ABCC11: variants seen among roughly 807,000 people sequenced by gnomAD.
ABCC11 encodes the protein ATP-binding cassette sub-family C member 11.
A neutral mutation model predicts 149.3 loss-of-function variants in ABCC11; 135 were observed. The ratio of observed to expected loss-of-function variants is 0.90; its 90% confidence interval spans 0.79 to 1.04. ABCC11 has a LOEUF of 1.04. Among genes scored for constraint, ABCC11 ranks in the 50% least tolerant of loss-of-function variants. The probability of loss-of-function intolerance (pLI) is 0.00; values close to 1 mark genes in which losing one functional copy is unlikely to be tolerated. For missense variants in ABCC11, 1,680 were observed against 1,722.1 expected (o/e 0.98, Z 0.43); for synonymous variants, 665 against 671.4 (o/e 0.99, Z 0.15).
At chr16:48,190,167 T>G (rs1300551659) in intron 20 of ABCC11, among the ~76,000 whole-genome samples, 1 of 152,088 alleles carries the variant, frequency 6.6e-6, no homozygotes, top group African/African-American at 2.4e-5. Context: ...ACTTTACATA[T>G]CTACGACAAT....
At position 48,238,765 on chromosome 16, in the gene ABCC11, G is replaced by A. The variant is rs193102165; in HGVS notation, c.-18-6826C>T. ...ATCCTGGCTAACACGGTGAAACCCC[G>A]TCTCTACTAAAAATACAAAAAATTA... On this transcript the variant is annotated intron_variant, in intron 1 of 29. Coordinates refer to ENST00000356608, the MANE Select transcript of ABCC11 (RefSeq NM_001370497.1). Among the ~76,000 whole-genome samples the A allele has an allele frequency of 1.2e-3, 176 of 151,546 alleles. 1 individual carries two copies. The highest frequency in any genetic ancestry group is 4.2e-3 in the African/African-American group (172 of 41,354).
intron 20 of ABCC11, among the ~76,000 whole-genome samples, chr16:48,190,202 C>G (rs1157245136): frequency 1.3e-5 from 2 of 152,150 alleles, no homozygotes; most frequent in Non-Finnish European, 2.9e-5. Flanking sequence ...TCCATCTCCC[C>G]CATTAGACTA....
In ABCC11 at chr16:48,200,421, C is replaced by G. The variant is rs774404726; in HGVS notation, c.1937G>C (p.Arg646Pro). The change falls in exon 15 of 30, where the codon CGC becomes CCC. Residue 646 changes from arginine to proline, a missense_variant. By Grantham distance (103) the Arg-to-Pro change is moderately radical (BLOSUM62 -2). Transcript: ENST00000356608. ...GGQKQRISLA[R>P]AVYSDRQIYL... ...GATCTGACGGTCGGAATAGACGGCG[C>G]GGGCCAGGCTGATCCTCTGTTTCTG... 1 of 1,614,210 alleles carries G rather than the reference C, an allele frequency of 6.2e-7. No homozygotes were observed. The highest frequency in any genetic ancestry group is 1.7e-5 in the Admixed American group (1 of 60,024).
At chr16:48,176,162 A>G (rs1248701465) in intron 25 of ABCC11, 2 of 152,228 alleles carry the variant, frequency 1.3e-5, no homozygotes, top group Admixed American at 1.3e-4. Context: ...GAACACCCAA[A>G]AGAACATATG....
chr16:48,241,518 T>A (rs919889737), intron 1 of ABCC11, among the ~76,000 whole-genome samples: 3 of 152,186 alleles, frequency 2.0e-5, no homozygotes, highest in Non-Finnish European at 4.4e-5. Context: ...TACCAATGAC[T>A]TTCTTCACAG....
intron 2 of ABCC11, 46 bp downstream of exon 2, chr16:48,231,777 T>C: frequency 6.3e-7 from 1 of 1,599,346 alleles, no homozygotes; most frequent in African/African-American, 1.3e-5. Context: ...GAGAATATTC[T>C]GCCAACTCAG....
At chr16:48,227,024 G>A (rs934248641) in intron 4 of ABCC11, among the ~76,000 whole-genome samples, 3 of 152,140 alleles carry the variant, frequency 2.0e-5, no homozygotes, top group Admixed American at 6.5e-5. Flanking sequence ...TCATATTACC[G>A]TGTGTGGTGG....
Position 48,187,226 on chromosome 16 carries a change from T to A in ABCC11, c.2908A>T (p.Met970Leu). 1 of 1,614,048 alleles carries A rather than the reference T, an allele frequency of 6.2e-7. No homozygotes were observed. The highest frequency in any genetic ancestry group is 8.5e-7 in the Non-Finnish European group (1 of 1,180,026). ...ATATAATAAATGAAGCAAATAACCA[T>A]GATTATGGCTCCCATTAACAGGATA... ...PYILLMGAIIMVICFIYYMMF... is the reference protein window; with the variant it reads ...PYILLMGAIILVICFIYYMMF... The change falls in exon 21 of 30, where the codon ATG (methionine) becomes TTG (leucine). Residue 970 changes from methionine to leucine, a missense_variant. Physicochemically the swap from Met to Leu is conservative, Grantham distance 15. Transcript: ENST00000356608.
chr16:48,210,574 G>C (rs8051205), intron 11 of ABCC11: 31,897 of 195,082 alleles, frequency 0.16, 2,958 homozygotes, highest in Middle Eastern at 0.24. Context: ...ACCAGATAAG[G>C]TGAGTTCACA....
At chr16:48,172,427 CTTT>C (rs566472502) in intron 26 of ABCC11, among the ~76,000 whole-genome samples, 11 of 137,398 alleles carry the variant, frequency 8.0e-5, no homozygotes, top group Admixed American at 7.4e-5. Context: ...CTATGTTTAA[CTTT>C]TTTTTTTTTT....
chr16:48,216,823 G>A lies in ABCC11; in HGVS notation c.778-536C>T, dbSNP rs776485792. Among the ~76,000 whole-genome samples, 9 of 152,154 alleles carry A rather than the reference G, an allele frequency of 5.9e-5. No homozygotes were observed. In the South Asian group the frequency reaches 6.2e-4, roughly 11 times the overall value. ...GTCTGTACAGAACCAGCTTGCTAAC[G>A]TCACAGCCTAAATTTTCACCACATA... On this transcript the variant is annotated intron_variant, in intron 6 of 29. Transcript: ENST00000356608.
intron 9 of ABCC11, among the ~76,000 whole-genome samples, chr16:48,214,331 C>T (rs942555175): frequency 1.3e-5 from 2 of 152,108 alleles, no homozygotes; most frequent in African/African-American, 4.8e-5. Context: ...ATCTGGGGCA[C>T]ACACAACCCC....
At chr16:48,224,886 G>A (rs1320949759) in intron 4 of ABCC11, among the ~76,000 whole-genome samples, 7 of 152,018 alleles carry the variant, frequency 4.6e-5, no homozygotes, top group Admixed American at 6.6e-5. Context: ...TAGTTGGCAC[G>A]GTGGCATGCG....
rs377111091 is a variant in ABCC11, at chr16:48,175,356, G to A, written c.3600C>T (p.Leu1200=). 6.2e-7 allele frequency: 1 copy of A among 1,614,166 alleles called. No homozygotes were observed. Among genetic ancestry groups the A allele is most frequent in the Non-Finnish European group, 8.5e-7 (1 of 1,179,978 alleles). ...RLVEPMAGRI[L]IDGVDICSIG... is the part of the protein sequence containing the mutation. The stretch of plus-strand genomic sequence containing the variant: ...TGCTGCAAATGTCCACGCCGTCAAT[G>A]AGAATCCGGCCTGCCATGGGCTCCA... Residue 1200 remains leucine, a synonymous_variant, in exon 26 of 30, where the codon CTC becomes CTT. Coordinates refer to ENST00000356608, the MANE Select transcript of ABCC11 (RefSeq NM_001370497.1).
chr16:48,211,228 G>A (rs1163964224), intron 10 of ABCC11, 29 bp from the exon 11 acceptor site: 1 of 1,606,890 alleles, frequency 6.2e-7, no homozygotes, highest in Non-Finnish European at 8.5e-7. Flanking sequence ...ATAGAGGGAG[G>A]AGGAATACAG....
chr16:48,233,062 G>A (rs1051484861), intron 1 of ABCC11, among the ~76,000 whole-genome samples: 4 of 152,020 alleles, frequency 2.6e-5, no homozygotes, highest in African/African-American at 4.8e-5. Flanking sequence ...TTAGCTAGAC[G>A]TAGTGGTGCA....
chr16:48,230,288 G>T (rs1970343942), intron 3 of ABCC11, 149 bp downstream of exon 3: 1 of 890,144 alleles, frequency 1.1e-6, no homozygotes, highest in Non-Finnish European at 1.6e-6. Flanking sequence ...ATGACGATGT[G>T]CCTCCCTGGT....
chr16:48,207,028 G>A (rs1360194286), intron 12 of ABCC11, among the ~76,000 whole-genome samples: 1 of 152,188 alleles, frequency 6.6e-6, no homozygotes, highest in African/African-American at 2.4e-5. Context: ...CGTGGCTGAT[G>A]TGTTAAGAGA....
At chr16:48,205,365 G>C (rs1430926753) in intron 13 of ABCC11, 48 bp downstream of exon 13, 1 of 1,609,402 alleles carries the variant, frequency 6.2e-7, no homozygotes, top group East Asian at 2.2e-5. Context: ...GGTGCCCCCA[G>C]ACCAGCCACA....
Sources: allele counts gnomAD v4.1 joint callset (sites outside exome capture counted in the v4.1 genomes callset), GRCh38; gene constraint gnomAD v4.1.1; transcripts MANE v1.5; gene names NCBI Gene and HGNC (gene_info 2026-07-23, HGNC 2026-07-21).